Variants in AGMO observed in about 807,000 individuals in gnomAD.
AGMO encodes glyceryl-ether monooxygenase.
Under a neutral mutation model 60.2 loss-of-function variants are expected in AGMO, and 75 were observed. The ratio of observed to expected loss-of-function variants is 1.25; its 90% CI spans 1.03 to 1.51. The LOEUF (loss-of-function observed/expected upper bound fraction) is 1.51, where lower values mean the gene tolerates loss of function less well. Ranked by LOEUF, AGMO falls within the 40% of genes most tolerant of loss-of-function variation. The pLI is 0.00. For synonymous variants in AGMO, 261 were observed against 177.1 expected (o/e 1.47, Z -3.76); for missense variants, 763 against 525.5 (o/e 1.45, Z -4.42).
At chr7:15,546,590 G>A (rs773143152) in intron 2 of AGMO, among the ~76,000 whole-genome samples, 46 of 152,202 alleles carry the variant, frequency 3.0e-4, no homozygotes, top group Non-Finnish European at 6.0e-4. Context: ...CTATTTTGGG[G>A]CATGTAGACA....
intron 3 of AGMO, among the ~76,000 whole-genome samples, chr7:15,477,509 C>G (rs1782629595): frequency 6.6e-6 from 1 of 151,976 alleles, no homozygotes; most frequent in Non-Finnish European, 1.5e-5. Flanking sequence ...TTGGCAGCTG[C>G]CAATAGAATT....
At chr7:15,369,888 T>C (rs1304096550) in intron 10 of AGMO, among the ~76,000 whole-genome samples, 3 of 152,176 alleles carry the variant, frequency 2.0e-5, no homozygotes, top group Non-Finnish European at 4.4e-5. Flanking sequence ...TTGGGAAAAC[T>C]GAATCTATTT....
At chr7:15,354,439 T>TACACACGTGTGTATATAC (rs1782415026) in intron 12 of AGMO, among the ~76,000 whole-genome samples, 2 of 20,824 alleles carry the variant, frequency 9.6e-5, no homozygotes, top group Non-Finnish European at 1.5e-4. Context: ...CGTGTGTGTA[T>TACACACGTGTGTATATAC]ACACACGTGT....
intron 3 of AGMO, among the ~76,000 whole-genome samples, chr7:15,466,440 A>C (rs559263128): frequency 5.9e-5 from 9 of 152,316 alleles, no homozygotes; most frequent in African/African-American, 2.2e-4. Flanking sequence ...TGAGCACTTT[A>C]CTGCTATTAA....
At chr7:15,533,965 C>G (rs1462166650) in intron 3 of AGMO, among the ~76,000 whole-genome samples, 3 of 151,942 alleles carry the variant, frequency 2.0e-5, no homozygotes. Context: ...TATTTTATTA[C>G]CAAGATTTGC....
intron 12 of AGMO, among the ~76,000 whole-genome samples, chr7:15,317,910 T>C (rs1442832415): frequency 8.0e-6 from 1 of 125,434 alleles, no homozygotes; most frequent in African/African-American, 3.6e-5. Flanking sequence ...CACACACGTA[T>C]ATATATATAC....
At chr7:15,444,245 T>C (rs1392093246) in intron 3 of AGMO, among the ~76,000 whole-genome samples, 1 of 152,202 alleles carries the variant, frequency 6.6e-6, no homozygotes, top group African/African-American at 2.4e-5. Context: ...AATACATGTA[T>C]TTTTGTTAGC....
the AGMO span, among the ~76,000 whole-genome samples, chr7:15,176,475 T>C: frequency 1.3e-5 from 2 of 151,976 alleles, no homozygotes; most frequent in South Asian, 4.1e-4. Context: ...GAAGTTTTAT[T>C]ATTCACTTTC....
chr7:15,155,409 T>G, the AGMO span, among the ~76,000 whole-genome samples: 1 of 146,634 alleles, frequency 6.8e-6, no homozygotes, highest in African/African-American at 2.5e-5. Context: ...CCAATTGCAT[T>G]ACAGAATTTC....
intron 5 of AGMO, among the ~76,000 whole-genome samples, chr7:15,406,638 TATACATATATATGTGTATATATATG>T (rs1784704226): frequency 1.7e-5 from 1 of 60,416 alleles, no homozygotes; most frequent in Non-Finnish European, 3.3e-5. Context: ...TATATATGAA[TATACATATATATGTGTATATATATG>T]GAATATACAT....
intron 2 of AGMO, among the ~76,000 whole-genome samples, chr7:15,557,513 C>A (rs891344758): frequency 1.3e-5 from 2 of 151,708 alleles, no homozygotes; most frequent in African/African-American, 4.8e-5. Context: ...ATGTCAAATT[C>A]TTCCTTTTTT....
At chr7:15,525,975 G>C (rs1381642900) in intron 3 of AGMO, among the ~76,000 whole-genome samples, 1 of 152,138 alleles carries the variant, frequency 6.6e-6, no homozygotes. Context: ...TAGTCCAGCC[G>C]CAAGCCCTGC....
chr7:15,396,190 G>A (rs1028254171), intron 5 of AGMO: 4 of 152,582 alleles, frequency 2.6e-5, no homozygotes, highest in South Asian at 2.1e-4. Flanking sequence ...GTCCAGAAAT[G>A]GTGGGTTCTT....
chr7:15,551,549 GA>G (rs1330380934), intron 2 of AGMO, among the ~76,000 whole-genome samples: 4 of 150,606 alleles, frequency 2.7e-5, no homozygotes, highest in Admixed American at 2.7e-4. Flanking sequence ...GCCAAATCAT[GA>G]GTGAACTCCC....
intron 3 of AGMO, among the ~76,000 whole-genome samples, chr7:15,529,660 A>ATACAGAATATATATAC (rs1160219615): frequency 1.2e-5 from 1 of 85,164 alleles, no homozygotes; most frequent in South Asian, 3.8e-4. Flanking sequence ...TATATTCTAT[A>ATACAGAATATATATAC]TATATTCTAT....
chr7:15,407,055 A>G (rs1291185331), intron 5 of AGMO, among the ~76,000 whole-genome samples: 2 of 144,686 alleles, frequency 1.4e-5, no homozygotes, highest in African/African-American at 2.5e-5. Context: ...ATATGAATAT[A>G]CATATATATG....
intron 12 of AGMO, among the ~76,000 whole-genome samples, chr7:15,317,887 GTATATATATACACACACACGTA>G (rs1301700999): frequency 8.0e-6 from 1 of 124,762 alleles, no homozygotes; most frequent in Non-Finnish European, 1.7e-5. Flanking sequence ...ATATACACAC[GTATATATATACACACACACGTA>G]TATATATATA....
intron 12 of AGMO, among the ~76,000 whole-genome samples, chr7:15,352,275 G>A (rs919037182): frequency 6.6e-5 from 10 of 151,916 alleles, no homozygotes; most frequent in African/African-American, 2.4e-4. Context: ...CTCCCTACTT[G>A]TCCTGCCTAT....
At chr7:15,520,685 G>A (rs1412743000) in intron 3 of AGMO, among the ~76,000 whole-genome samples, 2 of 152,144 alleles carry the variant, frequency 1.3e-5, no homozygotes, top group Non-Finnish European at 2.9e-5. Context: ...AATTCTCTGG[G>A]ACACAGCTAA....
Sources: gnomAD v4.1 joint callset for allele counts (sites outside exome capture counted in the v4.1 genomes callset) on GRCh38, gnomAD v4.1.1 for gene constraint, MANE v1.5 for transcripts, NCBI Gene and HGNC (gene_info 2026-07-23, HGNC 2026-07-21) for gene names.